The following SOCS2 variants were observed in gnomAD, a reference collection of about 807,000 sequenced individuals.
The protein encoded by SOCS2 is CIS-2.
In SOCS2, 10 loss-of-function variants were observed where a neutral mutation model predicts 18.6. That is an observed-to-expected ratio of 0.54 (90% CI 0.33 to 0.91). SOCS2 has a LOEUF of 0.91. Among genes scored for constraint, SOCS2 ranks in the 40% least tolerant of loss-of-function variants. The probability of loss-of-function intolerance (pLI) is 0.02; values close to 1 mark genes in which losing one functional copy is unlikely to be tolerated. For missense variants in SOCS2, 231 were observed against 247.2 expected (o/e 0.93, Z 0.44); for synonymous variants, 104 against 104.0 (o/e 1.00, Z 0.00).
the SOCS2 span, among the ~76,000 whole-genome samples, chr12:93,616,836 GA>G: frequency 6.6e-6 from 1 of 152,182 alleles, no homozygotes; most frequent in African/African-American, 2.4e-5. Context: ...AGGAGATGGG[GA>G]AGTACATGTG....
At chr12:93,599,089 AT>A in the SOCS2 span, among the ~76,000 whole-genome samples, 3 of 146,518 alleles carry the variant, frequency 2.0e-5, no homozygotes, top group Admixed American at 6.8e-5. Context: ...ACTAGTCACT[AT>A]TTTTTTTGAC....
the SOCS2 span, among the ~76,000 whole-genome samples, chr12:93,602,539 G>A: frequency 6.6e-6 from 1 of 152,168 alleles, no homozygotes; most frequent in South Asian, 2.1e-4. Context: ...TCCAGGAAAT[G>A]GAACCAGTTT....
chr12:93,612,005 A>G, the SOCS2 span, among the ~76,000 whole-genome samples: 1 of 152,096 alleles, frequency 6.6e-6, no homozygotes, highest in African/African-American at 2.4e-5. Context: ...TTGAATTCTC[A>G]GTCAGGCCTT....
chr12:93,585,225 C>T (rs577126923), downstream of SOCS2, among the ~76,000 whole-genome samples: 30 of 152,162 alleles, frequency 2.0e-4, 1 homozygote, highest in Admixed American at 7.8e-4. Flanking sequence ...CCCAAACTCT[C>T]GGTGGCTTAA....
chr12:93,608,000 CTT>C, the SOCS2 span, among the ~76,000 whole-genome samples: 54 of 124,376 alleles, frequency 4.3e-4, no homozygotes, highest in Non-Finnish European at 4.4e-4. Context: ...GACTGTAAAT[CTT>C]TTTTTTTTTT....
chr12:93,573,202 C>A, intron 1 of SOCS2, 166 bp downstream of exon 1: 1 of 894,424 alleles, frequency 1.1e-6, no homozygotes, highest in Non-Finnish European at 1.7e-6. Flanking sequence ...CTTGGGAATG[C>A]GTAAGGAAAG....
At chr12:93,592,921 T>G in the SOCS2 span, among the ~76,000 whole-genome samples, 1 of 95,434 alleles carries the variant, frequency 1.0e-5, no homozygotes, top group African/African-American at 3.5e-5. Flanking sequence ...AGAAAGCTTT[T>G]TTTTTTTTTT....
At chr12:93,617,633 A>G in the SOCS2 span, among the ~76,000 whole-genome samples, 1 of 152,154 alleles carries the variant, frequency 6.6e-6, no homozygotes, top group African/African-American at 2.4e-5. Context: ...GGCCATACAG[A>G]TACTCCACAT....
chr12:93,582,720 T>C (rs1263913275), intron 1 of SOCS2, among the ~76,000 whole-genome samples: 1 of 152,114 alleles, frequency 6.6e-6, no homozygotes, highest in Non-Finnish European at 1.5e-5. Context: ...TTGGAAAACT[T>C]GGGGTCCACT....
At chr12:93,579,686 G>T (rs377031100), downstream of SOCS2, among the ~76,000 whole-genome samples, 18 of 152,094 alleles carry the variant, frequency 1.2e-4, no homozygotes, top group African/African-American at 3.9e-4. Context: ...TGTGGCTTGA[G>T]TTCAGGTGAC....
chr12:93,623,691 A>T, the SOCS2 span, among the ~76,000 whole-genome samples: 1 of 152,062 alleles, frequency 6.6e-6, no homozygotes, highest in Non-Finnish European at 1.5e-5. Context: ...TAAAATTCAC[A>T]AGTTGACATT....
At chr12:93,623,787 C>T in the SOCS2 span, among the ~76,000 whole-genome samples, 18,257 of 152,176 alleles carry the variant, frequency 0.12, 1,374 homozygotes, top group East Asian at 0.33. Flanking sequence ...TCACTGCAAC[C>T]TCCGCCTCCC....
downstream of SOCS2, among the ~76,000 whole-genome samples, chr12:93,583,815 A>G (rs11611927): frequency 0.23 from 34,583 of 152,178 alleles, 3,989 homozygotes; most frequent in East Asian, 0.32. Context: ...TTACAAGTAT[A>G]ACCTCACTGA....
At chr12:93,589,885 C>T in the SOCS2 span, among the ~76,000 whole-genome samples, 6 of 152,196 alleles carry the variant, frequency 3.9e-5, no homozygotes. Context: ...AAAGGAACTT[C>T]AGTTTTGAGG....
chr12:93,617,631 A>G, the SOCS2 span, among the ~76,000 whole-genome samples: 1 of 152,178 alleles, frequency 6.6e-6, no homozygotes, highest in Non-Finnish European at 1.5e-5. Flanking sequence ...GTGGCCATAC[A>G]GATACTCCAC....
the SOCS2 span, among the ~76,000 whole-genome samples, chr12:93,614,539 CCT>C: frequency 4.0e-4 from 33 of 82,542 alleles, 3 homozygotes; most frequent in African/African-American, 2.3e-3. Context: ...TTCCTTCCTT[CCT>C]TCTTTCTTTC....
downstream of SOCS2, among the ~76,000 whole-genome samples, chr12:93,580,912 C>G (rs962548655): frequency 2.6e-5 from 4 of 152,304 alleles, no homozygotes; most frequent in Admixed American, 2.6e-4. Context: ...AGTAGAAGCC[C>G]ATAAACACAT....
the SOCS2 span, among the ~76,000 whole-genome samples, chr12:93,610,587 G>A: frequency 3.3e-5 from 5 of 152,158 alleles, no homozygotes; most frequent in East Asian, 9.6e-4. Context: ...AGGGCCTTTT[G>A]GAAAGTGATT....
the SOCS2 span, among the ~76,000 whole-genome samples, chr12:93,616,681 C>T: frequency 1.3e-5 from 2 of 152,144 alleles, no homozygotes; most frequent in South Asian, 2.1e-4. Context: ...TTTCAATGGG[C>T]GGGGGTATGT....
Sources: gnomAD v4.1 joint callset for allele counts (sites outside exome capture counted in the v4.1 genomes callset) on GRCh38, gnomAD v4.1.1 for gene constraint, MANE v1.5 for transcripts, NCBI Gene and HGNC (gene_info 2026-07-23, HGNC 2026-07-21) for gene names.